Variants in FILIP1 observed in about 807,000 individuals in gnomAD.
FILIP1 encodes filamin-A-interacting protein 1.
In FILIP1, 61 loss-of-function variants were observed where a neutral mutation model predicts 102.1. That is an observed-to-expected ratio of 0.60 (90% CI 0.49 to 0.74). The LOEUF (loss-of-function observed/expected upper bound fraction) is 0.74. Among genes scored for constraint, FILIP1 ranks in the 30% least tolerant of loss-of-function variants. The pLI, the probability that FILIP1 is intolerant of heterozygous loss-of-function variation, is 0.00. For synonymous variants in FILIP1, 491 were observed against 526.9 expected (o/e 0.93, Z 0.93); for missense variants, 1,314 against 1,441.2 (o/e 0.91, Z 1.43).
At chr6:75,467,062 C>A (rs899586598) in intron 1 of FILIP1, among the ~76,000 whole-genome samples, 5 of 152,170 alleles carry the variant, frequency 3.3e-5, no homozygotes, top group African/African-American at 1.2e-4. Context: ...AATGCATCTT[C>A]TTTTAGAATT....
intron 5 of FILIP1, among the ~76,000 whole-genome samples, chr6:75,309,259 C>T (rs1773098833): frequency 6.6e-6 from 1 of 152,124 alleles, no homozygotes; most frequent in Non-Finnish European, 1.5e-5. Flanking sequence ...CTCTACACTC[C>T]CTCCTTTCTT....
chr6:75,364,866 A>T (rs562211052), intron 2 of FILIP1, among the ~76,000 whole-genome samples: 2 of 152,278 alleles, frequency 1.3e-5, no homozygotes, highest in African/African-American at 4.8e-5. Flanking sequence ...AGGTGTCATC[A>T]CCTTTCTCCT....
At chr6:75,473,389 A>G (rs1779385829) in intron 1 of FILIP1, among the ~76,000 whole-genome samples, 1 of 152,190 alleles carries the variant, frequency 6.6e-6, no homozygotes, top group Admixed American at 6.5e-5. Flanking sequence ...GTATTAGATG[A>G]TACTGATGTA....
chr6:75,466,027 C>A (rs1779155823), intron 1 of FILIP1, among the ~76,000 whole-genome samples: 1 of 152,174 alleles, frequency 6.6e-6, no homozygotes, highest in South Asian at 2.1e-4. Context: ...AGGTTATTCT[C>A]TCTGCCTGGC....
chr6:75,420,053 A>G (rs1777401700), intron 1 of FILIP1, among the ~76,000 whole-genome samples: 1 of 151,802 alleles, frequency 6.6e-6, no homozygotes. Flanking sequence ...GGGTAGATCT[A>G]TTCAGACTAA....
At chr6:75,372,351 G>A (rs1244693444) in intron 2 of FILIP1, among the ~76,000 whole-genome samples, 1 of 128,488 alleles carries the variant, frequency 7.8e-6, no homozygotes, top group Admixed American at 8.7e-5. Context: ...TGGGCAACAA[G>A]AGTGAAACTC....
At chr6:75,315,233 A>C in intron 4 of FILIP1, 31 bp from the exon 5 acceptor site, 1 of 1,382,338 alleles carries the variant, frequency 7.2e-7, no homozygotes, top group East Asian at 2.5e-5. Context: ...ATATGTTAAA[A>C]GAGTAATCAG....
intron 4 of FILIP1, among the ~76,000 whole-genome samples, chr6:75,320,299 G>A (rs1436092943): frequency 1.3e-5 from 2 of 152,228 alleles, no homozygotes; most frequent in African/African-American, 2.4e-5. Flanking sequence ...GCTCAAGCCT[G>A]TAATCCCAGC....
intron 1 of FILIP1, among the ~76,000 whole-genome samples, chr6:75,422,398 C>A (rs1777497133): frequency 6.6e-6 from 1 of 151,944 alleles, no homozygotes; most frequent in Non-Finnish European, 1.5e-5. Flanking sequence ...TTTAGTAATA[C>A]CATCTGGCCT....
At chr6:75,444,844 C>G (rs771753419) in intron 1 of FILIP1, among the ~76,000 whole-genome samples, 13 of 152,192 alleles carry the variant, frequency 8.5e-5, no homozygotes, top group Non-Finnish European at 1.8e-4. Context: ...CCAGCAATAC[C>G]CTAGGACAGG....
chr6:75,454,071 C>G (rs979309525), intron 1 of FILIP1: 108 of 454,932 alleles, frequency 2.4e-4, no homozygotes, highest in Admixed American at 1.3e-3. Flanking sequence ...TTAATTGTTT[C>G]TTCTGCTTAG....
At chr6:75,399,515 A>T (rs1267153410) in intron 2 of FILIP1, among the ~76,000 whole-genome samples, 1 of 152,184 alleles carries the variant, frequency 6.6e-6, no homozygotes, top group Admixed American at 6.6e-5. Flanking sequence ...ATTAGCTTTC[A>T]GTCTTTAGCA....
rs1300603593 is a variant in FILIP1, at chr6:75,414,896, T to C, written c.77A>G (p.Asn26Ser). The change falls in exon 2 of 6, where the codon AAT becomes AGT. Residue 26 changes from asparagine to serine, a missense_variant. This residue lies in a region of FILIP1 where 494 missense variants were observed against 511.2 expected (regional missense o/e 0.97). Transcript: ENST00000237172. The stretch of plus-strand genomic sequence containing the variant: ...TTCTGAGAGACTTTTTTCACCAGCA[T>C]TGCCGATGATGGAGGGCTTGGGACA... Reference protein sequence around the residue: ...ISCPKPSIIGNAGEKSLSEDA... With the variant: ...ISCPKPSIIGSAGEKSLSEDA... The C allele has an allele frequency of 1.2e-6, 2 of 1,613,940 alleles. No individual in the cohort carries two copies. The highest frequency in any genetic ancestry group is 1.1e-5 in the South Asian group (1 of 91,080).
At chr6:75,299,960 A>T (rs762280105) in intron 6 of FILIP1, among the ~76,000 whole-genome samples, 1 of 152,160 alleles carries the variant, frequency 6.6e-6, no homozygotes, top group African/African-American at 2.4e-5. Context: ...CTGAGTGCAG[A>T]GTGAGGCAAC....
intron 2 of FILIP1, among the ~76,000 whole-genome samples, chr6:75,379,447 G>A (rs1043890607): frequency 2.0e-5 from 3 of 152,162 alleles, no homozygotes; most frequent in Admixed American, 2.0e-4. Flanking sequence ...GTCTATCATT[G>A]AATTTCAGAC....
chr6:75,484,356 C>G (rs562173773), intron 1 of FILIP1, among the ~76,000 whole-genome samples: 16 of 152,256 alleles, frequency 1.1e-4, no homozygotes, highest in African/African-American at 2.9e-4. Context: ...GTACTATCTT[C>G]TTTAAAATGA....
chr6:75,397,537 G>A (rs933027733), intron 2 of FILIP1, among the ~76,000 whole-genome samples: 1 of 139,046 alleles, frequency 7.2e-6, no homozygotes, highest in Non-Finnish European at 1.5e-5. Flanking sequence ...ACACATATAA[G>A]ACACACACAC....
At chr6:75,354,354 C>T (rs1432482907) in intron 3 of FILIP1, among the ~76,000 whole-genome samples, 3 of 152,130 alleles carry the variant, frequency 2.0e-5, no homozygotes, top group African/African-American at 7.2e-5. Flanking sequence ...AGGCAGATCA[C>T]GAGGTCAGGA....
intron 1 of FILIP1, among the ~76,000 whole-genome samples, chr6:75,441,774 TAG>T: frequency 8.1e-6 from 1 of 124,166 alleles, no homozygotes; most frequent in East Asian, 2.8e-4. Flanking sequence ...CACTTCCCAG[TAG>T]GGGCAGCCGG....
Sources: allele counts gnomAD v4.1 joint callset (sites outside exome capture counted in the v4.1 genomes callset), GRCh38; gene constraint gnomAD v4.1.1; regional missense constraint gnomAD v4.1.1; transcripts MANE v1.5; gene names NCBI Gene and HGNC (gene_info 2026-07-23, HGNC 2026-07-21).